CERS5: variants seen among roughly 807,000 people sequenced by gnomAD.
The protein encoded by CERS5 is ceramide synthase 5, also known as LAG1 homolog, ceramide synthase 5.
A neutral mutation model predicts 58.9 loss-of-function variants in CERS5; 37 were observed. That is an observed-to-expected ratio of 0.63 (90% CI 0.48 to 0.83). The LOEUF is 0.83. Among genes scored for constraint, CERS5 ranks in the 40% least tolerant of loss-of-function variants. CERS5 has a pLI of 0.00. For synonymous variants in CERS5, 147 were observed against 177.8 expected, an observed-to-expected ratio of 0.83 and a Z score of 1.38; for missense variants, 398 against 489.3, an observed-to-expected ratio of 0.81 and a Z score of 1.76.
At chr12:50,153,502 T>G (rs1938215230) in intron 1 of CERS5, among the ~76,000 whole-genome samples, 1 of 151,156 alleles carries the variant, frequency 6.6e-6, no homozygotes. Flanking sequence ...ATGCTCTCAA[T>G]CTCTTGACCT....
rs1230478556 is a variant in CERS5, at chr12:50,129,578, T to C, written c.*967A>G. 6.7e-6 allele frequency: 1 copy of C among 148,766 alleles called. No homozygotes were observed. Among genetic ancestry groups the C allele is most frequent in the Non-Finnish European group, 1.5e-5 (1 of 67,674 alleles). 9.2% of individuals were successfully genotyped at this position (148,766 alleles called of 1,614,324 possible). On this transcript the variant is annotated 3_prime_UTR_variant, in exon 10 of 10. Transcript: ENST00000317551. Reference sequence around the variant, plus strand: ...TGGAGTGCAGTGGCACGATCTTGGCTCGCTGCAACCTCTGCCTCCCAGGTT... The same window carrying C: ...TGGAGTGCAGTGGCACGATCTTGGCCCGCTGCAACCTCTGCCTCCCAGGTT...
At position 50,136,081 on chromosome 12, in the gene CERS5, T is replaced by A. The variant is rs770527903; in HGVS notation, c.637-12A>T. 1 of 1,479,284 alleles carries A rather than the reference T, an allele frequency of 6.8e-7. No individual in the cohort carries two copies. Among genetic ancestry groups the A allele is most frequent in the Admixed American group, 2.6e-5 (1 of 39,062 alleles). The allele number at this position is 1,479,284 out of a possible 1,614,324, so 91.6% of individuals were successfully genotyped here. A position where few individuals can be genotyped will look rare whatever the true frequency, so the allele number is the denominator to read the frequency against. On this transcript the variant is annotated splice_polypyrimidine_tract_variant and intron_variant, in intron 6 of 9. Transcript: ENST00000317551. ...ATGATCAGGAAGTCCTAGGAAGGAA[T>A]GGAAATAGAAGAGGGAGGTAAAAGC...
In CERS5 at chr12:50,145,146, AAAAAAAAAAAAG is replaced by A. The variant is rs1207868234; in HGVS notation, c.198-1101_198-1090del. 11 of 151,160 alleles carry A rather than the reference AAAAAAAAAAAAG, an allele frequency of 7.3e-5. No individual in the cohort carries two copies. The South Asian group carries it at 8.4e-4, about 11-fold the overall frequency. The allele number at this position is 151,160 out of a possible 1,614,324, so 9.4% of individuals were successfully genotyped here. The stretch of plus-strand genomic sequence containing the variant: ...GTGTGAGAATCCGTCTCAAAAAAAA[AAAAAAAAAAAAG>A]AAGAAGAATAAAAAATAAAAAGAGG... On this transcript the variant is annotated intron_variant, in intron 1 of 9. Coordinates refer to ENST00000317551, the MANE Select transcript of CERS5 (RefSeq NM_147190.5).
rs1455338047 is a variant in CERS5, at chr12:50,155,277, C to G, written c.198-11220G>C. 2.6e-5 allele frequency among the ~76,000 whole-genome samples: 4 copies of G among 151,882 alleles called. 1 individual carries two copies. The highest frequency in any genetic ancestry group is 9.7e-5 in the African/African-American group (4 of 41,348). On this transcript the variant is annotated intron_variant, in intron 1 of 9. Transcript: ENST00000317551. The stretch of plus-strand genomic sequence containing the variant: ...TAATTTTTAAAAGTGAAAAACAATC[C>G]CTGAGAACAAAAAGTTACAATGTAT...
rs140165889 is a variant in CERS5 at position 50,164,426 on chromosome 12, C to T, written c.197+2675G>A. Among the ~76,000 whole-genome samples, 18 of 152,140 alleles carry T rather than the reference C, an allele frequency of 1.2e-4. No homozygotes were observed. The East Asian group carries it at 3.3e-3, about 28-fold the overall frequency. On this transcript the variant is annotated intron_variant, in intron 1 of 9. Coordinates refer to ENST00000317551, the MANE Select transcript of CERS5 (RefSeq NM_147190.5). Reference sequence around the variant, plus strand: ...AGCCTGGGTGAGGCTGAGACCCTGTCTCAAAAACAACAATAAGAGTGGAGT... The same window carrying T: ...AGCCTGGGTGAGGCTGAGACCCTGTTTCAAAAACAACAATAAGAGTGGAGT...
At chr12:50,166,060 C>T (rs1235791946) in intron 1 of CERS5, 14 of 389,062 alleles carry the variant, frequency 3.6e-5, no homozygotes, top group East Asian at 8.8e-5. Context: ...CGGTGGCTCA[C>T]GCCTGTAATC....
In CERS5 at chr12:50,130,488, G is replaced by A. The variant is rs1951257644; in HGVS notation, c.*57C>T. The A allele has an allele frequency of 6.8e-7, 1 of 1,461,590 alleles. No homozygotes were observed. The highest frequency in any genetic ancestry group is 1.9e-5 in the Admixed American group (1 of 52,942). 90.5% of individuals were successfully genotyped at this position (1,461,590 alleles called of 1,614,324 possible). ...GTAGATATGGGAAGGGCCAAGAGGA[G>A]TATGTTGCCAGTGGCCCTACAAGTC... On this transcript the variant is annotated 3_prime_UTR_variant, in exon 10 of 10. Coordinates refer to ENST00000317551, the MANE Select transcript of CERS5 (RefSeq NM_147190.5).
intron 1 of CERS5, among the ~76,000 whole-genome samples, chr12:50,153,269 A>T (rs1161569519): frequency 4.5e-4 from 42 of 93,428 alleles, no homozygotes; most frequent in Non-Finnish European, 5.8e-4. Context: ...AACTAATATG[A>T]TTTTTTTTTT....
chr12:50,163,601 C>G (rs569058080), intron 1 of CERS5, among the ~76,000 whole-genome samples: 8 of 152,300 alleles, frequency 5.3e-5, no homozygotes, highest in African/African-American at 1.9e-4. Flanking sequence ...GAAGCTGAGG[C>G]AGCAGGATCG....
intron 1 of CERS5, chr12:50,144,733 A>G (rs2138109071): frequency 8.0e-7 from 1 of 1,243,652 alleles, no homozygotes; most frequent in East Asian, 2.5e-5. Flanking sequence ...TCTCAGATCT[A>G]CTAATAAGGC....
chr12:50,132,965 CAA>C, intron 9 of CERS5: 1 of 1,288,876 alleles, frequency 7.8e-7, no homozygotes, highest in Non-Finnish European at 1.0e-6. Context: ...CACTTACATG[CAA>C]GAGATGAAAC....
intron 1 of CERS5, among the ~76,000 whole-genome samples, chr12:50,152,930 C>T (rs1483917244): frequency 2.0e-5 from 3 of 151,866 alleles, no homozygotes; most frequent in Admixed American, 1.3e-4. Context: ...ATTAGCCAGG[C>T]GTGGTGGCGG....
rs556838554 is a variant in CERS5, at chr12:50,134,373, C to T, written c.1029+173G>A. 4.5e-5 allele frequency: 69 copies of T among 1,541,404 alleles called. No individual in the cohort carries two copies. The African/African-American group carries it at 8.5e-4, about 19-fold the overall frequency. ...TGGGTGACAGAGCAAGACCTTGTCTCTAAAATAAAAAAGGCAAAACACTTA... is the reference window on the plus strand; with the variant it reads ...TGGGTGACAGAGCAAGACCTTGTCTTTAAAATAAAAAAGGCAAAACACTTA... On this transcript the variant is annotated intron_variant, in intron 9 of 9. Transcript: ENST00000317551.
At chr12:50,164,903 GA>G (rs1939698318) in intron 1 of CERS5, 1 of 152,024 alleles carries the variant, frequency 6.6e-6, no homozygotes, top group Non-Finnish European at 1.5e-5. Context: ...ATATTTATAT[GA>G]AAAGCAGAGA....
In CERS5 at chr12:50,144,893, T is replaced by G. The variant is rs1447744413; in HGVS notation, c.198-836A>C. 3 of 781,378 alleles carry G rather than the reference T, an allele frequency of 3.8e-6. No individual in the cohort carries two copies. In the East Asian group the frequency reaches 9.2e-5, roughly 24 times the overall value. The allele number at this position is 781,378 out of a possible 1,614,324, so 48.4% of individuals were successfully genotyped here. The stretch of plus-strand genomic sequence containing the variant: ...GCTCACGCCTGTAATCCCAGCACTT[T>G]GGGAGGCTGAGGCAGGAGGATCACA... On this transcript the variant is annotated intron_variant, in intron 1 of 9. Coordinates refer to ENST00000317551, the MANE Select transcript of CERS5 (RefSeq NM_147190.5).
In CERS5 at chr12:50,132,945, A is replaced by C. The variant is rs1304530498; in HGVS notation, c.1029+1601T>G. On this transcript the variant is annotated intron_variant, in intron 9 of 9. Transcript: ENST00000317551. ...TGGACATGCCTCACTGAATACTAGA[A>C]GCACAGATACACTTACATGCAAGAG... is the stretch of plus-strand genomic sequence containing the variant. 2.3e-6 allele frequency: 3 copies of C among 1,289,026 alleles called. No individual in the cohort carries two copies. The Admixed American group carries it at 6.9e-5, about 30-fold the overall frequency. 79.8% of individuals were successfully genotyped at this position (1,289,026 alleles called of 1,614,324 possible).
At chr12:50,131,054 CG>C (rs1190189236) in intron 9 of CERS5, among the ~76,000 whole-genome samples, 1 of 152,186 alleles carries the variant, frequency 6.6e-6, no homozygotes. Context: ...ACGAACAATA[CG>C]TATGACTGTC....
intron 1 of CERS5, chr12:50,144,735 T>G: frequency 7.8e-7 from 1 of 1,281,648 alleles, no homozygotes; most frequent in Non-Finnish European, 1.1e-6. Context: ...TCAGATCTAC[T>G]AATAAGGCAT....
chr12:50,146,772 G>A (rs1952296709), intron 1 of CERS5, among the ~76,000 whole-genome samples: 1 of 151,032 alleles, frequency 6.6e-6, no homozygotes, highest in Non-Finnish European at 1.5e-5. Context: ...GCATGAACCC[G>A]GGAGGCGGAG....
Sources: allele counts gnomAD v4.1 joint callset (sites outside exome capture counted in the v4.1 genomes callset), GRCh38; gene constraint gnomAD v4.1.1; transcripts MANE v1.5; gene names NCBI Gene and HGNC (gene_info 2026-07-23, HGNC 2026-07-21).